CACNA1C: variants seen among roughly 807,000 people sequenced by gnomAD.
CACNA1C encodes calcium voltage-gated channel subunit alpha1 C.
Under a neutral mutation model 229.0 loss-of-function variants are expected in CACNA1C, and 30 were observed. The observed-to-expected ratio is 0.13, with a 90% CI of 0.10 to 0.18. The LOEUF (loss-of-function observed/expected upper bound fraction) is 0.18. CACNA1C is among the 10% of genes least tolerant of loss of function. The pLI, the probability that CACNA1C is intolerant of heterozygous loss-of-function variation, is 1.00. For missense variants in CACNA1C, 1,658 were observed against 2,845.0 expected (o/e 0.58, Z 9.49); for synonymous variants, 1,114 against 1,132.5 (o/e 0.98, Z 0.33).
At chr12:1,977,186 A>G (rs2034650990) in intron 1 of CACNA1C, among the ~76,000 whole-genome samples, 1 of 152,186 alleles carries the variant, frequency 6.6e-6, no homozygotes, top group Non-Finnish European at 1.5e-5. Flanking sequence ...GAATTTGTTA[A>G]GTTGGAAGAG....
chr12:2,259,354 A>C (rs565780763), intron 3 of CACNA1C, among the ~76,000 whole-genome samples: 115 of 152,334 alleles, frequency 7.5e-4, no homozygotes, highest in Admixed American at 1.2e-3. Flanking sequence ...GCTGCAAGCC[A>C]CTCTTTATTT....
intron 3 of CACNA1C, among the ~76,000 whole-genome samples, chr12:2,445,107 T>A (rs2099265297): frequency 6.6e-6 from 1 of 152,160 alleles, no homozygotes; most frequent in Non-Finnish European, 1.5e-5. Flanking sequence ...ATACTTCCCA[T>A]CTTCTTAGTT....
chr12:2,296,595 C>G (rs2094062207), intron 3 of CACNA1C, among the ~76,000 whole-genome samples: 1 of 152,214 alleles, frequency 6.6e-6, no homozygotes. Flanking sequence ...ACCACCTCCA[C>G]TAGGCTCTCT....
intron 5 of CACNA1C, among the ~76,000 whole-genome samples, chr12:2,461,979 G>T (rs899385651): frequency 1.1e-4 from 17 of 152,102 alleles, no homozygotes; most frequent in African/African-American, 4.1e-4. Flanking sequence ...GCCCTGCTCA[G>T]GACCCTCCAC....
chr12:2,460,651 A>G (rs2099494511), intron 5 of CACNA1C, among the ~76,000 whole-genome samples: 1 of 152,208 alleles, frequency 6.6e-6, no homozygotes. Context: ...AATTCTCTCA[A>G]GAGGATGCAG....
chr12:2,610,813 G>C (rs1158196013), intron 28 of CACNA1C, 114 bp downstream of exon 28: 11 of 1,016,320 alleles, frequency 1.1e-5, no homozygotes, highest in African/African-American at 1.6e-5. Flanking sequence ...GTCACCAAGG[G>C]AGGCATTTGG....
At chr12:2,080,279 A>AAAAAAAAC (rs1227268340) in intron 1 of CACNA1C, among the ~76,000 whole-genome samples, 2 of 150,980 alleles carry the variant, frequency 1.3e-5, no homozygotes, top group African/African-American at 2.5e-5. Flanking sequence ...AAACAAAAAC[A>AAAAAAAAC]AAAAAAACAA....
intron 3 of CACNA1C, among the ~76,000 whole-genome samples, chr12:2,380,030 C>CAAAAAAAAAAAAAAAAAAAAAAAAA (rs1172016514): frequency 1.2e-5 from 1 of 80,166 alleles, no homozygotes; most frequent in African/African-American, 4.8e-5. Context: ...GACTCCGTCT[C>CAAAAAAAAAAAAAAAAAAAAAAAAA]AAAAAAAAAA....
chr12:2,326,974 G>T (rs1468952222), intron 3 of CACNA1C, among the ~76,000 whole-genome samples: 2 of 152,196 alleles, frequency 1.3e-5, no homozygotes, highest in East Asian at 3.9e-4. Flanking sequence ...AGATATATCA[G>T]TTACCCTCTA....
intron 34 of CACNA1C, among the ~76,000 whole-genome samples, chr12:2,662,099 G>A (rs1028441368): frequency 4.6e-5 from 7 of 151,866 alleles, no homozygotes; most frequent in South Asian, 2.1e-4. Flanking sequence ...AAAATTAGCC[G>A]GGCGTGGTAG....
intron 3 of CACNA1C, among the ~76,000 whole-genome samples, chr12:2,225,837 CA>C (rs1436454452): frequency 1.3e-5 from 2 of 152,144 alleles, no homozygotes; most frequent in African/African-American, 4.8e-5. Flanking sequence ...AGATCCAAAC[CA>C]AGCTGGATGG....
intron 1 of CACNA1C, among the ~76,000 whole-genome samples, chr12:2,086,633 C>G (rs953907969): frequency 1.3e-5 from 2 of 152,182 alleles, no homozygotes; most frequent in African/African-American, 4.8e-5. Context: ...GGTCAGGTGG[C>G]CTTCCACATG....
intron 42 of CACNA1C, chr12:2,682,143 TATGCCAA>T (rs2153816166): frequency 1.3e-6 from 1 of 768,596 alleles, no homozygotes; most frequent in Non-Finnish European, 2.2e-6. Flanking sequence ...ACTTCTCAGC[TATGCCAA>T]ATGCCAAAGA....
chr12:2,326,619 C>T (rs1238971920), intron 3 of CACNA1C, among the ~76,000 whole-genome samples: 1 of 152,220 alleles, frequency 6.6e-6, no homozygotes. Flanking sequence ...TCCTAGCTCT[C>T]GCCATGCTGT....
intron 3 of CACNA1C, among the ~76,000 whole-genome samples, chr12:2,309,386 C>T (rs931513981): frequency 6.6e-6 from 1 of 152,088 alleles, no homozygotes; most frequent in Admixed American, 6.5e-5. Flanking sequence ...ATAAACTTGG[C>T]AATCTAATGT....
intron 27 of CACNA1C, among the ~76,000 whole-genome samples, chr12:2,610,094 C>T (rs1363672892): frequency 6.6e-6 from 1 of 152,170 alleles, no homozygotes; most frequent in East Asian, 1.9e-4. Context: ...CACTGCACTC[C>T]AGCCTGCTGG....
chr12:2,632,867 A>G lies in CACNA1C; in HGVS notation c.3829-1430A>G, dbSNP rs1290878573. 3.9e-5 allele frequency among the ~76,000 whole-genome samples: 6 copies of G among 151,966 alleles called. No individual in the cohort carries two copies. The highest frequency in any genetic ancestry group is 5.9e-5 in the Non-Finnish European group (4 of 68,012). On this transcript the variant is annotated intron_variant, in intron 29 of 46. Coordinates refer to ENST00000399655, the MANE Select transcript of CACNA1C (RefSeq NM_000719.7). The surrounding 1 kb of genome is among the most constrained non-coding windows in gnomAD (Gnocchi z 4.1). The stretch of plus-strand genomic sequence containing the variant: ...AAAGCCCTGTCAAGAGCCACATAAC[A>G]CACTCCCGGAGTAGGAGCCCAGCCT...
At chr12:2,072,568 T>G (rs1434973388) in intron 1 of CACNA1C, among the ~76,000 whole-genome samples, 1 of 152,194 alleles carries the variant, frequency 6.6e-6, no homozygotes, top group Admixed American at 6.5e-5. Flanking sequence ...TGATTTCTAG[T>G]CTGTTCGATG....
At chr12:2,364,091 A>G (rs1036474742) in intron 3 of CACNA1C, among the ~76,000 whole-genome samples, 5 of 149,986 alleles carry the variant, frequency 3.3e-5, no homozygotes, top group Non-Finnish European at 1.5e-5. Flanking sequence ...CCAGCCCCAG[A>G]CCAGCCCCAA....
Sources: gnomAD v4.1 joint callset for allele counts (sites outside exome capture counted in the v4.1 genomes callset) on GRCh38, gnomAD v4.1.1 for gene constraint, Gnocchi (gnomAD v3.1) non-coding constraint, MANE v1.5 for transcripts, NCBI Gene and HGNC (gene_info 2026-07-23, HGNC 2026-07-21) for gene names.